The following TMC1 variants were observed in gnomAD, a reference collection of about 807,000 sequenced individuals.
TMC1 encodes the protein transmembrane channel like 1, also known as transmembrane channel-like protein 1.
In TMC1, 84 loss-of-function variants were observed where a neutral mutation model predicts 105.8. The observed-to-expected ratio is 0.79, with a 90% confidence interval of 0.67 to 0.95. The LOEUF is 0.95. Ranked by LOEUF, TMC1 falls within the 40% of genes least tolerant of loss-of-function variation. The pLI is 0.00. For synonymous variants in TMC1, 315 were observed against 311.5 expected (o/e 1.01, Z -0.12); for missense variants, 817 against 914.1 (o/e 0.89, Z 1.37).
At chr9:72,654,447 A>AT (rs1200280873) in intron 5 of TMC1, among the ~76,000 whole-genome samples, 10 of 151,974 alleles carry the variant, frequency 6.6e-5, no homozygotes, top group Admixed American at 5.2e-4. Context: ...TAGAGTAAGT[A>AT]TTTTTTATTT....
At chr9:72,650,878 A>ATATATATATATT (rs1257975223) in intron 5 of TMC1, among the ~76,000 whole-genome samples, 1 of 132,984 alleles carries the variant, frequency 7.5e-6, no homozygotes, top group African/African-American at 2.8e-5. Flanking sequence ...TATTTTATAT[A>ATATATATATATT]TATAGATATA....
Position 72,826,940 on chromosome 9 carries a change from T to G in TMC1, c.2075T>G (p.Ile692Ser). 1 of 1,614,060 alleles carries G rather than the reference T, an allele frequency of 6.2e-7. No homozygotes were observed. The highest frequency in any genetic ancestry group is 8.5e-7 in the Non-Finnish European group (1 of 1,179,972). Reference protein sequence around the residue: ...EHDFPSWMAKILRQLSNPGLV... With the variant: ...EHDFPSWMAKSLRQLSNPGLV... ...GATTTCCCAAGCTGGATGGCGAAGA[T>G]CTTGAGACAGCTTTCAAACCCTGGG... is the stretch of plus-strand genomic sequence containing the variant. Residue 692 changes from isoleucine to serine, a missense_variant, in exon 21 of 24, where the codon ATC becomes AGC. Transcript: ENST00000297784.
chr9:72,613,132 A>ATT (rs10552822), intron 2 of TMC1, among the ~76,000 whole-genome samples: 42 of 137,990 alleles, frequency 3.0e-4, no homozygotes, highest in African/African-American at 9.7e-4. Context: ...CAGAAATGTG[A>ATT]TTTTTTTTTT....
At chr9:72,555,778 G>A (rs528676035) in intron 1 of TMC1, among the ~76,000 whole-genome samples, 1 of 151,002 alleles carries the variant, frequency 6.6e-6, no homozygotes, top group African/African-American at 2.4e-5. Flanking sequence ...GTGCTGCCAC[G>A]CCTGGCTAAT....
intron 8 of TMC1, 127 bp downstream of exon 8, chr9:72,700,770 A>ACG (rs1229635555): frequency 2.9e-6 from 1 of 343,422 alleles, no homozygotes; most frequent in African/African-American, 2.2e-5. Context: ...ATACACACAC[A>ACG]CACACACACA....
At chr9:72,657,018 G>C (rs1468361811) in intron 5 of TMC1, among the ~76,000 whole-genome samples, 1 of 152,186 alleles carries the variant, frequency 6.6e-6, no homozygotes, top group Non-Finnish European at 1.5e-5. Flanking sequence ...ACTCTTTTCT[G>C]ATAGTTCTTT....
chr9:72,584,763 T>G (rs1237537582), intron 2 of TMC1, among the ~76,000 whole-genome samples: 3 of 149,026 alleles, frequency 2.0e-5, no homozygotes, highest in Non-Finnish European at 4.4e-5. Flanking sequence ...AAAAATGTAG[T>G]TCTCCTTTTT....
intron 12 of TMC1, among the ~76,000 whole-genome samples, chr9:72,764,400 T>G (rs1412464176): frequency 6.7e-6 from 1 of 150,358 alleles, no homozygotes; most frequent in Non-Finnish European, 1.5e-5. Flanking sequence ...ATCTCCTCCT[T>G]GCGAAATGAA....
intron 5 of TMC1, among the ~76,000 whole-genome samples, chr9:72,680,393 A>T (rs1826267018): frequency 6.6e-6 from 1 of 152,132 alleles, no homozygotes; most frequent in Non-Finnish European, 1.5e-5. Flanking sequence ...ATTCTTTTTC[A>T]TTAAGTGTTG....
intron 2 of TMC1, among the ~76,000 whole-genome samples, chr9:72,606,113 G>A (rs2132115626): frequency 6.6e-6 from 1 of 152,310 alleles, no homozygotes; most frequent in East Asian, 1.9e-4. Flanking sequence ...TGAGGTTGTA[G>A]TCAGCTGTCA....
chr9:72,590,678 A>T (rs1824624510), intron 2 of TMC1, among the ~76,000 whole-genome samples: 1 of 152,202 alleles, frequency 6.6e-6, no homozygotes, highest in African/African-American at 2.4e-5. Flanking sequence ...ATGGACATGA[A>T]TCCAAGAGTC....
chr9:72,763,137 C>T (rs1827782421), intron 12 of TMC1, among the ~76,000 whole-genome samples: 1 of 146,138 alleles, frequency 6.8e-6, no homozygotes, highest in Admixed American at 6.9e-5. Flanking sequence ...GTTTTCATCA[C>T]CTCCCTCAGG....
intron 18 of TMC1, chr9:72,808,771 A>G (rs1465998443): frequency 6.6e-6 from 1 of 152,208 alleles, no homozygotes; most frequent in African/African-American, 2.4e-5. Context: ...TCTCCTCACC[A>G]GTGAGGGAAT....
In TMC1 at chr9:72,740,132, T is replaced by A. The variant is rs752998493; in HGVS notation, c.376T>A (p.Phe126Ile). Residue 126 changes from phenylalanine to isoleucine, a missense_variant, in exon 9 of 24, where the codon TTT becomes ATT. Physicochemically the swap from Phe to Ile is conservative, Grantham distance 21. Coordinates refer to ENST00000297784, the MANE Select transcript of TMC1 (RefSeq NM_138691.3). ...KIEVLKEAKK[F>I]VSENEGALGK... ...TTATTTTCTCAGGGAGGCAAAAAAATTTGTGAGTGAAAATGAAGGGGCTCT... is the reference window on the plus strand; with the variant it reads ...TTATTTTCTCAGGGAGGCAAAAAAAATTGTGAGTGAAAATGAAGGGGCTCT... The A allele has an allele frequency of 1.1e-5, 17 of 1,613,518 alleles. No individual in the cohort carries two copies. Among genetic ancestry groups the A allele is most frequent in the South Asian group, 6.6e-5 (6 of 91,066 alleles).
At chr9:72,523,007 CT>C (rs1341859447) in intron 1 of TMC1, among the ~76,000 whole-genome samples, 10 of 152,210 alleles carry the variant, frequency 6.6e-5, no homozygotes, top group Non-Finnish European at 1.3e-4. Context: ...TGTCTCCAGA[CT>C]TTTCCAAATG....
chr9:72,758,098 C>T (rs1158974583), intron 12 of TMC1, among the ~76,000 whole-genome samples: 1 of 152,024 alleles, frequency 6.6e-6, no homozygotes, highest in Admixed American at 6.5e-5. Context: ...AATAATACTG[C>T]TTTAAGGAAT....
At chr9:72,559,443 C>T (rs552821373) in intron 1 of TMC1, among the ~76,000 whole-genome samples, 1 of 152,108 alleles carries the variant, frequency 6.6e-6, no homozygotes, top group Non-Finnish European at 1.5e-5. Flanking sequence ...CTTTGTAGGC[C>T]CCCACCGATG....
rs575166495 is a variant in TMC1, at chr9:72,552,160, A to C, written c.-427-25742A>C. On this transcript the variant is annotated intron_variant, in intron 1 of 23. Transcript: ENST00000297784. Reference sequence around the variant, plus strand: ...CTGGTGAGGAAGGGTCCTGGTCCATAATAACCCAAATTTCTGCCAGGGAAG... The same window carrying C: ...CTGGTGAGGAAGGGTCCTGGTCCATCATAACCCAAATTTCTGCCAGGGAAG... Among the ~76,000 whole-genome samples, 5 of 152,230 alleles carry C rather than the reference A, an allele frequency of 3.3e-5. No homozygotes were observed. In the South Asian group the frequency reaches 8.3e-4, roughly 25 times the overall value.
intron 5 of TMC1, among the ~76,000 whole-genome samples, chr9:72,664,459 A>C (rs983391457): frequency 1.3e-5 from 2 of 152,178 alleles, no homozygotes; most frequent in Non-Finnish European, 2.9e-5. Context: ...GTGCATCCAA[A>C]TGTTGCCTTT....
Sources: allele counts gnomAD v4.1 joint callset (sites outside exome capture counted in the v4.1 genomes callset), GRCh38; gene constraint gnomAD v4.1.1; transcripts MANE v1.5; gene names NCBI Gene and HGNC (gene_info 2026-07-23, HGNC 2026-07-21).